HPD: variants seen among roughly 807,000 people sequenced by gnomAD.
HPD encodes 4-hydroxyphenylpyruvic acid oxidase.
In HPD, 35 loss-of-function variants were observed where a neutral mutation model predicts 56.9. That is an observed-to-expected ratio of 0.62 (90% CI 0.47 to 0.82). The LOEUF is 0.82. Among genes scored for constraint, HPD ranks in the 40% least tolerant of loss-of-function variants. HPD has a pLI of 0.00. For missense variants in HPD, 442 were observed against 506.8 expected, an observed-to-expected ratio of 0.87 and a Z score of 1.23; for synonymous variants, 186 against 200.2, an observed-to-expected ratio of 0.93 and a Z score of 0.60.
the HPD span, among the ~76,000 whole-genome samples, chr12:121,880,935 C>CA: frequency 6.6e-6 from 1 of 152,172 alleles, no homozygotes; most frequent in Non-Finnish European, 1.5e-5. Context: ...GCTGGGACTA[C>CA]AAGTGTGTCC....
intron 12 of HPD, among the ~76,000 whole-genome samples, chr12:121,841,769 C>T (rs866227956): frequency 1.3e-5 from 2 of 151,904 alleles, no homozygotes; most frequent in Non-Finnish European, 1.5e-5. Flanking sequence ...CTGCAACCTC[C>T]CCTTCCCTGG....
chr12:121,847,837 G>A (rs974647201), intron 9 of HPD, among the ~76,000 whole-genome samples: 6 of 151,984 alleles, frequency 3.9e-5, no homozygotes, highest in East Asian at 1.9e-4. Context: ...GTGCCCGGCC[G>A]TATTTTTTGT....
intron 6 of HPD, among the ~76,000 whole-genome samples, chr12:121,855,187 G>A (rs906133826): frequency 2.6e-5 from 4 of 152,188 alleles, no homozygotes; most frequent in Non-Finnish European, 5.9e-5. Context: ...CTTATATCAT[G>A]CACCAGGCTC....
chr12:121,862,684 C>T (rs1357199368), upstream of HPD, among the ~76,000 whole-genome samples: 3 of 116,822 alleles, frequency 2.6e-5, no homozygotes, highest in Non-Finnish European at 5.0e-5. Flanking sequence ...CTTGGCATCT[C>T]GGCTCAATGC....
At chr12:121,870,699 C>T in the HPD span, among the ~76,000 whole-genome samples, 46 of 148,224 alleles carry the variant, frequency 3.1e-4, no homozygotes, top group African/African-American at 9.0e-4. Context: ...TGGGTTCAAG[C>T]GATTCTCCTG....
rs570445297 is a variant in HPD at position 121,849,015 on chromosome 12, C to A, written c.580G>T (p.Val194Leu). The A allele has an allele frequency of 1.2e-6, 2 of 1,613,584 alleles. No individual in the cohort carries two copies. The highest frequency in any genetic ancestry group is 1.7e-6 in the Non-Finnish European group (2 of 1,179,808). ...IVGNQPDQEM[V>L]SASEWYLKNL... ...AGGTCTCACCATTCGGAGGCGGACACCATCTCCTGATCAGGCTGGTTTCCC... is the reference window on the plus strand; with the variant it reads ...AGGTCTCACCATTCGGAGGCGGACAACATCTCCTGATCAGGCTGGTTTCCC... Residue 194 changes from valine (V) to leucine (L), a missense_variant, in exon 9 of 14, where the codon GTG (valine) becomes TTG (leucine). Val to Leu is a conservative substitution (Grantham distance 32). Transcript: ENST00000289004.
intron 12 of HPD, among the ~76,000 whole-genome samples, chr12:121,843,240 C>A (rs1383729920): frequency 6.6e-6 from 1 of 152,240 alleles, no homozygotes; most frequent in African/African-American, 2.4e-5. Context: ...ACAAGAGGAA[C>A]TGGCTCTTGC....
At position 121,849,751 on chromosome 12, in the gene HPD, A is replaced by T. The variant is rs1382971716; in HGVS notation, c.454T>A (p.Tyr152Asn). ...TATCCAGGCAAGAATTGGCCGATGT[A>T]GTTCATCTTCTCCACCAGGGTGTGT... ...TTHTLVEKMN[Y>N]IGQFLPGYEA... The change falls in exon 8 of 14, where the codon TAC becomes AAC. Residue 152 changes from tyrosine to asparagine, a missense_variant. Tyr to Asn is a moderately radical substitution (Grantham distance 143). Coordinates refer to ENST00000289004, the MANE Select transcript of HPD (RefSeq NM_002150.3). The T allele has an allele frequency of 6.2e-7, 1 of 1,614,000 alleles. No homozygotes were observed.
chr12:121,840,520 G>A (rs1239549765), intron 12 of HPD, among the ~76,000 whole-genome samples: 3 of 151,952 alleles, frequency 2.0e-5, no homozygotes, highest in East Asian at 1.9e-4. Flanking sequence ...GGCTGGTCTC[G>A]AACTCCTGAC....
chr12:121,848,469 A>G (rs964734160), intron 9 of HPD, among the ~76,000 whole-genome samples: 6 of 151,812 alleles, frequency 4.0e-5, no homozygotes, highest in Non-Finnish European at 8.8e-5. Context: ...ACACTGCCAC[A>G]CCCAGCTAAT....
chr12:121,853,915 C>T (rs924269807), intron 7 of HPD, among the ~76,000 whole-genome samples: 1 of 149,534 alleles, frequency 6.7e-6, no homozygotes, highest in Non-Finnish European at 1.5e-5. Context: ...CCAGCCTGGG[C>T]GACAGAGAGA....
At chr12:121,840,147 C>A in intron 12 of HPD, 99 bp from the exon 13 acceptor site, 5 of 828,008 alleles carry the variant, frequency 6.0e-6, no homozygotes, top group Non-Finnish European at 1.1e-5. Context: ...TGGAAATGAC[C>A]TCTTTTTCTG....
chr12:121,845,938 C>T (rs550133161), intron 11 of HPD, among the ~76,000 whole-genome samples: 1 of 152,252 alleles, frequency 6.6e-6, no homozygotes, highest in Non-Finnish European at 1.5e-5. Flanking sequence ...CACTCTCTGT[C>T]ACCTAGGCTG....
At chr12:121,860,948 C>G (rs183620255), upstream of HPD, among the ~76,000 whole-genome samples, 6 of 152,162 alleles carry the variant, frequency 3.9e-5, no homozygotes, top group Admixed American at 2.6e-4. Flanking sequence ...ACCTGTAATC[C>G]TAGCACTTTG....
upstream of HPD, among the ~76,000 whole-genome samples, chr12:121,862,698 C>A (rs1403686248): frequency 3.6e-5 from 2 of 54,990 alleles, no homozygotes; most frequent in African/African-American, 1.8e-4. Flanking sequence ...TCAATGCAAG[C>A]TTTTTTTTTT....
At chr12:121,879,504 T>TCTCTTCTCTTTTTTC in the HPD span, among the ~76,000 whole-genome samples, 3 of 149,546 alleles carry the variant, frequency 2.0e-5, no homozygotes, top group Non-Finnish European at 4.5e-5. Flanking sequence ...TCTCTTCTCT[T>TCTCTTCTCTTTTTTC]TTTTCTTTTC....
At chr12:121,865,065 C>T (rs549808691), upstream of HPD, among the ~76,000 whole-genome samples, 1 of 152,020 alleles carries the variant, frequency 6.6e-6, no homozygotes, top group East Asian at 2.0e-4. Flanking sequence ...GTCAGGAGTT[C>T]GAGACCAGCC....
Position 121,847,313 on chromosome 12 carries a change from C to T in HPD, c.597-99G>A, listed in dbSNP as rs146365781. The T allele has an allele frequency of 1.2e-3, 1,370 of 1,105,476 alleles. 5 individuals are homozygous for T. The highest frequency in any genetic ancestry group is 9.4e-3 in the Middle Eastern group (38 of 4,054). The allele number at this position is 1,105,476 out of a possible 1,614,324, so 68.5% of individuals were successfully genotyped here. A position where few individuals can be genotyped will look rare whatever the true frequency, so the allele number is the denominator to read the frequency against. ...CCAGAATCTGTCCCTGAGCAGGCTCCAGAAAGGAGATGCCACTGCCATCAT... is the reference window on the plus strand; with the variant it reads ...CCAGAATCTGTCCCTGAGCAGGCTCTAGAAAGGAGATGCCACTGCCATCAT... On this transcript the variant is annotated intron_variant, in intron 9 of 13. Coordinates refer to ENST00000289004, the MANE Select transcript of HPD (RefSeq NM_002150.3).
intron 3 of HPD, 133 bp from the exon 4 acceptor site, chr12:121,857,565 A>G: frequency 3.6e-6 from 3 of 843,178 alleles, no homozygotes; most frequent in Non-Finnish European, 6.0e-6. Flanking sequence ...CTGGGAAGAT[A>G]GACTGCTGCC....
Sources: allele counts gnomAD v4.1 joint callset (sites outside exome capture counted in the v4.1 genomes callset), GRCh38; gene constraint gnomAD v4.1.1; transcripts MANE v1.5; gene names NCBI Gene and HGNC (gene_info 2026-07-23, HGNC 2026-07-21).